PALLD: variants seen among roughly 807,000 people sequenced by gnomAD.
PALLD encodes palladin.
In PALLD, 61 loss-of-function variants were observed where a neutral mutation model predicts 123.5. The ratio of observed to expected loss-of-function variants is 0.49; its 90% CI spans 0.40 to 0.61. The LOEUF (loss-of-function observed/expected upper bound fraction) is 0.61. Ranked by LOEUF, PALLD falls within the 20% of genes least tolerant of loss-of-function variation. The pLI is 0.00. For synonymous variants in PALLD, 465 were observed against 496.4 expected (o/e 0.94, Z 0.84); for missense variants, 1,273 against 1,377.0 (o/e 0.92, Z 1.20).
chr4:168,518,073 T>C lies in PALLD; in HGVS notation c.908+5661T>C, dbSNP rs536634155. On this transcript the variant is annotated intron_variant, in intron 2 of 21. Coordinates refer to ENST00000505667, the MANE Select transcript of PALLD (RefSeq NM_001166108.2). ...AAAAACCTTCTCTTTCCAAATCTTC[T>C]CCATGTCAACAAAAGACAACCCTCC... Among the ~76,000 whole-genome samples the C allele has an allele frequency of 5.5e-4, 84 of 152,216 alleles. 1 individual carries two copies. The highest frequency in any genetic ancestry group is 2.0e-3 in the African/African-American group (82 of 41,524).
chr4:168,881,532 T>G (rs1752607515), intron 10 of PALLD, among the ~76,000 whole-genome samples: 1 of 146,432 alleles, frequency 6.8e-6, no homozygotes, highest in South Asian at 2.3e-4. Context: ...AGAGGTTGAC[T>G]GCGGTCTGGG....
chr4:168,741,179 C>T (rs143541959), intron 10 of PALLD, among the ~76,000 whole-genome samples: 2 of 152,274 alleles, frequency 1.3e-5, no homozygotes, highest in African/African-American at 4.8e-5. Context: ...CCAGTTGGTA[C>T]TGCTGTCATG....
chr4:168,681,870 T>G (rs1781587636), intron 4 of PALLD, among the ~76,000 whole-genome samples: 1 of 152,154 alleles, frequency 6.6e-6, no homozygotes, highest in Non-Finnish European at 1.5e-5. Flanking sequence ...ATTTTTAACT[T>G]GTAAATTTGA....
intron 5 of PALLD, among the ~76,000 whole-genome samples, 185 bp from the exon 6 acceptor site, chr4:168,685,300 A>T (rs1010959129): frequency 6.6e-6 from 1 of 152,218 alleles, no homozygotes; most frequent in African/African-American, 2.4e-5. Context: ...AGAGTAACAG[A>T]TGTGAAATGA....
chr4:168,571,182 G>C (rs897732081), intron 2 of PALLD, among the ~76,000 whole-genome samples: 4 of 152,058 alleles, frequency 2.6e-5, no homozygotes, highest in African/African-American at 9.7e-5. Context: ...CTTTCTCCCA[G>C]AAGCTTTCCA....
At position 168,705,873 on chromosome 4, in the gene PALLD, C is replaced by T. The variant is rs533284872; in HGVS notation, c.1502-3155C>T. 5.3e-5 allele frequency among the ~76,000 whole-genome samples: 8 copies of T among 152,216 alleles called. No individual in the cohort carries two copies. In the South Asian group the frequency reaches 1.7e-3, roughly 32 times the overall value. The stretch of plus-strand genomic sequence containing the variant: ...GCCCAGGTTGGTCTTGAACTCCTGA[C>T]CTCAAGTGATCCGCCTGCCTCGGCC... On this transcript the variant is annotated intron_variant, in intron 8 of 21. Coordinates refer to ENST00000505667, the MANE Select transcript of PALLD (RefSeq NM_001166108.2).
chr4:168,697,305 G>T (rs914844321), intron 8 of PALLD, among the ~76,000 whole-genome samples: 4 of 152,206 alleles, frequency 2.6e-5, no homozygotes, highest in Non-Finnish European at 5.9e-5. Flanking sequence ...CACAGCAAGA[G>T]AATTAATCCA....
Position 168,644,920 on chromosome 4 carries a change from T to C in PALLD, c.909-23270T>C, listed in dbSNP as rs1777292385. ...GAGTTCAAGACCAGCCTGGCCAATA[T>C]GGAAACCCTGTCTCTACTAAAAACA... is the stretch of plus-strand genomic sequence containing the variant. On this transcript the variant is annotated intron_variant, in intron 2 of 21. Transcript: ENST00000505667. Among the ~76,000 whole-genome samples, 3 of 151,916 alleles carry C rather than the reference T, an allele frequency of 2.0e-5. 1 individual carries two copies. The highest frequency in any genetic ancestry group is 6.3e-3 in the Middle Eastern group (2 of 316).
At chr4:168,653,810 C>T (rs1278140427) in intron 2 of PALLD, among the ~76,000 whole-genome samples, 1 of 152,124 alleles carries the variant, frequency 6.6e-6, no homozygotes, top group African/African-American at 2.4e-5. Flanking sequence ...ACGCCATTCT[C>T]CTGCCTCAGC....
Position 168,925,215 on chromosome 4 carries a change from C to T in PALLD, c.3359-18C>T. The T allele has an allele frequency of 1.2e-6, 2 of 1,601,146 alleles. No homozygotes were observed. Among genetic ancestry groups the T allele is most frequent in the Non-Finnish European group, 8.6e-7 (1 of 1,168,152 alleles). On this transcript the variant is annotated intron_variant, in intron 20 of 21. Coordinates refer to ENST00000505667, the MANE Select transcript of PALLD (RefSeq NM_001166108.2). The stretch of plus-strand genomic sequence containing the variant: ...GTCAAAAAAATTCATATTGCTCTCT[C>T]TCTCTTTCTATTTGTAGTTTCTCGA...
At chr4:168,739,062 A>G (rs1788066643) in intron 10 of PALLD, among the ~76,000 whole-genome samples, 1 of 152,128 alleles carries the variant, frequency 6.6e-6, no homozygotes, top group South Asian at 2.1e-4. Flanking sequence ...ACTTTACACA[A>G]TGATCTCCCA....
intron 8 of PALLD, chr4:168,700,854 C>G (rs1310762080): frequency 1.3e-5 from 2 of 152,008 alleles, no homozygotes; most frequent in East Asian, 1.9e-4. Flanking sequence ...CAGTGAAACC[C>G]CTGTTTCTAA....
chr4:168,897,242 A>G (rs1253980710), intron 13 of PALLD, among the ~76,000 whole-genome samples: 1 of 152,212 alleles, frequency 6.6e-6, no homozygotes, highest in Non-Finnish European at 1.5e-5. Flanking sequence ...TAATTCTTCA[A>G]GGGATTAATT....
At chr4:168,774,498 C>T (rs371579024) in intron 10 of PALLD, among the ~76,000 whole-genome samples, 47 of 152,176 alleles carry the variant, frequency 3.1e-4, no homozygotes, top group African/African-American at 1.1e-3. Flanking sequence ...GAGGCCAAGG[C>T]AGGCGGATCA....
At chr4:168,632,517 G>A (rs1252910931) in intron 2 of PALLD, among the ~76,000 whole-genome samples, 1 of 152,098 alleles carries the variant, frequency 6.6e-6, no homozygotes, top group Non-Finnish European at 1.5e-5. Context: ...TTGTTTTCTT[G>A]GGTTTCACTT....
At chr4:168,917,514 G>T (rs1295193179) in intron 17 of PALLD, among the ~76,000 whole-genome samples, 2 of 152,084 alleles carry the variant, frequency 1.3e-5, no homozygotes, top group Admixed American at 6.5e-5. Flanking sequence ...TTTTTTGTTT[G>T]ATTTCTTTTT....
chr4:168,696,215 G>A (rs1783117869), intron 8 of PALLD, among the ~76,000 whole-genome samples: 1 of 152,040 alleles, frequency 6.6e-6, no homozygotes, highest in Non-Finnish European at 1.5e-5. Context: ...AATTGAGTGG[G>A]TTTTGAAATT....
intron 21 of PALLD, 137 bp from the exon 22 acceptor site, chr4:168,926,076 T>C: frequency 1.5e-6 from 1 of 681,472 alleles, no homozygotes; most frequent in South Asian, 2.7e-5. Context: ...AAAGTGTTCC[T>C]AAATTTTCCA....
At chr4:168,612,713 A>G (rs55730289) in intron 2 of PALLD, among the ~76,000 whole-genome samples, 1 of 152,132 alleles carries the variant, frequency 6.6e-6, no homozygotes, top group African/African-American at 2.4e-5. Context: ...AAATATCTAT[A>G]AATTTTTTTC....
Sources: gnomAD v4.1 joint callset for allele counts (sites outside exome capture counted in the v4.1 genomes callset) on GRCh38, gnomAD v4.1.1 for gene constraint, MANE v1.5 for transcripts, NCBI Gene and HGNC (gene_info 2026-07-23, HGNC 2026-07-21) for gene names.